Variants in CDH2 observed in about 807,000 individuals in gnomAD.
CDH2 encodes cadherin-2.
In CDH2, 17 loss-of-function variants were observed where a neutral mutation model predicts 92.0. The ratio of observed to expected loss-of-function variants is 0.18; its 90% CI spans 0.13 to 0.28. The LOEUF is 0.28. Ranked by LOEUF, CDH2 falls within the 10% of genes least tolerant of loss-of-function variation. The pLI is 1.00. For synonymous variants in CDH2, 419 were observed against 415.9 expected (o/e 1.01, Z -0.09); for missense variants, 862 against 1,133.1 (o/e 0.76, Z 3.44).
chr18:28,018,873 T>TTATATATA (rs56721321), intron 2 of CDH2, among the ~76,000 whole-genome samples: 88 of 146,300 alleles, frequency 6.0e-4, no homozygotes, highest in African/African-American at 2.0e-3. Context: ...GCACACACGT[T>TTATATATA]TATATATATA....
intron 2 of CDH2, among the ~76,000 whole-genome samples, chr18:28,135,176 G>C (rs1472760237): frequency 6.6e-6 from 1 of 152,140 alleles, no homozygotes; most frequent in Non-Finnish European, 1.5e-5. Context: ...TTATGAAATT[G>C]CTCAAGAAGT....
intron 2 of CDH2, among the ~76,000 whole-genome samples, chr18:28,106,656 G>T (rs1220020): frequency 0.31 from 46,857 of 151,924 alleles, 7,803 homozygotes; most frequent in African/African-American, 0.42. Flanking sequence ...CAGCACTTCT[G>T]TCCCATTTAA....
intron 14 of CDH2, among the ~76,000 whole-genome samples, chr18:27,970,666 G>A (rs1259771962): frequency 6.6e-6 from 1 of 152,104 alleles, no homozygotes; most frequent in Non-Finnish European, 1.5e-5. Context: ...AACCTTAATA[G>A]TATTCAACTT....
intron 1 of CDH2, among the ~76,000 whole-genome samples, chr18:28,175,916 G>A (rs561409979): frequency 3.3e-5 from 5 of 152,162 alleles, no homozygotes; most frequent in Admixed American, 2.6e-4. Context: ...CACTGCACCC[G>A]CCCAGCTAGA....
intron 10 of CDH2, among the ~76,000 whole-genome samples, chr18:27,988,930 A>C (rs1355521370): frequency 6.6e-6 from 1 of 152,222 alleles, no homozygotes; most frequent in Admixed American, 6.5e-5. Flanking sequence ...TGTGGGCTAA[A>C]GCAGATTGGA....
At chr18:28,101,101 T>C (rs1290925968) in intron 2 of CDH2, among the ~76,000 whole-genome samples, 1 of 152,206 alleles carries the variant, frequency 6.6e-6, no homozygotes, top group East Asian at 1.9e-4. Context: ...GTATACACGA[T>C]GATTTAAACA....
At chr18:27,945,548 C>A (rs568807571) in intron 6 of CDH2, among the ~76,000 whole-genome samples, 8 of 151,966 alleles carry the variant, frequency 5.3e-5, no homozygotes, top group Admixed American at 2.6e-4. Context: ...TTTCTCCCCC[C>A]AGTAAGGAAA....
intron 7 of CDH2, among the ~76,000 whole-genome samples, chr18:28,001,089 G>A (rs1008971533): frequency 1.3e-5 from 2 of 151,990 alleles, no homozygotes; most frequent in African/African-American, 4.8e-5. Flanking sequence ...CTGTCAAGAA[G>A]CTATTTCTCA....
At chr18:28,088,437 T>A (rs747006050) in intron 2 of CDH2, among the ~76,000 whole-genome samples, 43 of 152,224 alleles carry the variant, frequency 2.8e-4, no homozygotes, top group Non-Finnish European at 4.6e-4. Context: ...TCATTCGAAT[T>A]AAATTGAAAA....
At chr18:28,162,969 C>T (rs2016328266) in intron 1 of CDH2, among the ~76,000 whole-genome samples, 1 of 152,168 alleles carries the variant, frequency 6.6e-6, no homozygotes, top group African/African-American at 2.4e-5. Flanking sequence ...CTAGAAGGTT[C>T]TCAGTGCTTC....
At chr18:28,030,501 A>C (rs1485751835) in intron 2 of CDH2, among the ~76,000 whole-genome samples, 1 of 152,092 alleles carries the variant, frequency 6.6e-6, no homozygotes, top group Non-Finnish European at 1.5e-5. Context: ...AAACAAACAA[A>C]CAACAACAAC....
At chr18:27,999,877 C>T (rs185179549) in intron 7 of CDH2, among the ~76,000 whole-genome samples, 1 of 151,816 alleles carries the variant, frequency 6.6e-6, no homozygotes, top group East Asian at 2.0e-4. Flanking sequence ...GGCAGTTTCC[C>T]CCATACTGTT....
At chr18:27,979,445 A>T (rs1433270080) in intron 14 of CDH2, among the ~76,000 whole-genome samples, 1 of 152,226 alleles carries the variant, frequency 6.6e-6, no homozygotes, top group East Asian at 1.9e-4. Context: ...GTCGAGCTGC[A>T]CATATGCACA....
chr18:28,091,330 C>A (rs530415862), intron 2 of CDH2, among the ~76,000 whole-genome samples: 10 of 152,158 alleles, frequency 6.6e-5, no homozygotes, highest in Non-Finnish European at 1.5e-4. Context: ...AATGAAAACA[C>A]CCCCTGACAC....
At chr18:28,173,934 G>A (rs1050021875) in intron 1 of CDH2, among the ~76,000 whole-genome samples, 9 of 152,076 alleles carry the variant, frequency 5.9e-5, no homozygotes, top group African/African-American at 1.7e-4. Flanking sequence ...TAAGCTGAAT[G>A]CTCAAATTCG....
At chr18:27,960,562 C>T (rs2143878140) in intron 15 of CDH2, among the ~76,000 whole-genome samples, 1 of 152,328 alleles carries the variant, frequency 6.6e-6, no homozygotes, top group African/African-American at 2.4e-5. Context: ...GATACTGGCA[C>T]ATTTGCATTG....
intron 1 of CDH2, among the ~76,000 whole-genome samples, chr18:28,175,613 C>A (rs1275572776): frequency 6.6e-6 from 1 of 152,182 alleles, no homozygotes; most frequent in Non-Finnish European, 1.5e-5. Context: ...TGCCCCCGCC[C>A]CAGCAGCACT....
chr18:27,944,955 A>C (rs1909233334), intron 6 of CDH2, among the ~76,000 whole-genome samples: 1 of 152,116 alleles, frequency 6.6e-6, no homozygotes, highest in South Asian at 2.1e-4. Flanking sequence ...GTTTTTGCTA[A>C]AACAATCATA....
intron 7 of CDH2, among the ~76,000 whole-genome samples, chr18:27,999,178 T>C (rs911393922): frequency 6.6e-6 from 1 of 152,132 alleles, no homozygotes; most frequent in African/African-American, 2.4e-5. Flanking sequence ...AACTTCCTAT[T>C]TGCACAAGGA....
Sources: allele counts gnomAD v4.1 joint callset (sites outside exome capture counted in the v4.1 genomes callset), GRCh38; gene constraint gnomAD v4.1.1; transcripts MANE v1.5; gene names NCBI Gene and HGNC (gene_info 2026-07-23, HGNC 2026-07-21).